Variants in NEGR1 observed in about 807,000 individuals in gnomAD.
NEGR1 encodes IgLON family member 4.
Under a neutral mutation model 40.9 loss-of-function variants are expected in NEGR1, and 10 were observed. The ratio of observed to expected loss-of-function variants is 0.24; its 90% confidence interval spans 0.15 to 0.42. NEGR1 has a LOEUF of 0.42. Among genes scored for constraint, NEGR1 ranks in the 10% least tolerant of loss-of-function variants. The pLI is 1.00. For synonymous variants in NEGR1, 185 were observed against 166.8 expected (o/e 1.11, Z -0.84); for missense variants, 352 against 438.9 (o/e 0.80, Z 1.77).
At chr1:71,559,044 T>TATACAC (rs1488767009) in intron 6 of NEGR1, among the ~76,000 whole-genome samples, 1 of 62,266 alleles carries the variant, frequency 1.6e-5, no homozygotes, top group African/African-American at 5.2e-5. Flanking sequence ...TATATATATA[T>TATACAC]ACACATATAT....
intron 1 of NEGR1, among the ~76,000 whole-genome samples, chr1:72,156,549 T>C (rs551867211): frequency 1.3e-5 from 2 of 152,320 alleles, no homozygotes; most frequent in Non-Finnish European, 2.9e-5. Flanking sequence ...GCAGATGCTA[T>C]GCATACAAAA....
chr1:72,075,756 G>T (rs1021029818), intron 1 of NEGR1, among the ~76,000 whole-genome samples: 1 of 152,156 alleles, frequency 6.6e-6, no homozygotes, highest in South Asian at 2.1e-4. Context: ...ATGTGCCTGG[G>T]TATGTTGAAT....
intron 4 of NEGR1, among the ~76,000 whole-genome samples, chr1:71,693,527 A>G (rs1422384600): frequency 6.6e-6 from 1 of 151,550 alleles, no homozygotes; most frequent in African/African-American, 2.4e-5. Context: ...ACATTCACAT[A>G]TATGTATATA....
chr1:71,468,208 T>C (rs1032543115), intron 6 of NEGR1: 1 of 152,010 alleles, frequency 6.6e-6, no homozygotes, highest in African/African-American at 2.4e-5. Context: ...GTCCTTTTGA[T>C]TTAGTTTGTT....
intron 2 of NEGR1, among the ~76,000 whole-genome samples, chr1:71,869,758 T>C (rs1660222601): frequency 6.6e-6 from 1 of 152,196 alleles, no homozygotes; most frequent in African/African-American, 2.4e-5. Flanking sequence ...TTTTGACTTC[T>C]TATTTTTCAC....
intron 1 of NEGR1, among the ~76,000 whole-genome samples, chr1:72,198,641 T>C (rs1653085521): frequency 6.6e-6 from 1 of 152,034 alleles, no homozygotes; most frequent in Non-Finnish European, 1.5e-5. Context: ...TCTTCTTTGA[T>C]CTTTTTAAAT....
At chr1:72,144,910 T>C (rs1324968065) in intron 1 of NEGR1, among the ~76,000 whole-genome samples, 1 of 152,114 alleles carries the variant, frequency 6.6e-6, no homozygotes, top group Non-Finnish European at 1.5e-5. Flanking sequence ...TCTTGGTCTT[T>C]CATCCAAATA....
chr1:72,031,167 G>A (rs1056487291), intron 1 of NEGR1, among the ~76,000 whole-genome samples: 32 of 152,310 alleles, frequency 2.1e-4, no homozygotes, highest in African/African-American at 7.5e-4. Context: ...CGCAGAAGAG[G>A]TGGCTTACAT....
intron 6 of NEGR1, among the ~76,000 whole-genome samples, chr1:71,440,077 T>C (rs1197940427): frequency 6.6e-6 from 1 of 152,210 alleles, no homozygotes; most frequent in African/African-American, 2.4e-5. Flanking sequence ...GTGTCACATA[T>C]GATCATCATT....
At chr1:71,443,361 C>T (rs1484692621) in intron 6 of NEGR1, among the ~76,000 whole-genome samples, 1 of 152,154 alleles carries the variant, frequency 6.6e-6, no homozygotes, top group Non-Finnish European at 1.5e-5. Flanking sequence ...TCCTGTATTA[C>T]TTATTTGGCA....
intron 4 of NEGR1, among the ~76,000 whole-genome samples, chr1:71,688,949 G>A (rs950602382): frequency 1.3e-5 from 2 of 152,024 alleles, no homozygotes; most frequent in Admixed American, 6.6e-5. Flanking sequence ...AATTTCCCCA[G>A]TATCCCATAG....
intron 2 of NEGR1, among the ~76,000 whole-genome samples, chr1:71,866,596 T>A (rs1660121284): frequency 6.6e-6 from 1 of 152,170 alleles, no homozygotes; most frequent in Admixed American, 6.6e-5. Flanking sequence ...TCAGCAAAAA[T>A]TTTTCCCAAT....
chr1:72,142,736 G>A (rs1650734837), intron 1 of NEGR1, among the ~76,000 whole-genome samples: 1 of 151,764 alleles, frequency 6.6e-6, no homozygotes, highest in African/African-American at 2.4e-5. Flanking sequence ...TACTGAGGCA[G>A]AATTTAGTTT....
At chr1:72,017,124 A>G in intron 1 of NEGR1, among the ~76,000 whole-genome samples, 1 of 131,578 alleles carries the variant, frequency 7.6e-6, no homozygotes, top group East Asian at 2.7e-4. Flanking sequence ...ATATACACAT[A>G]TATGTGTGTG....
intron 2 of NEGR1, among the ~76,000 whole-genome samples, chr1:71,820,185 G>A (rs905914198): frequency 6.6e-6 from 1 of 151,986 alleles, no homozygotes; most frequent in African/African-American, 2.4e-5. Context: ...ACCAGTGGGG[G>A]CAAAATAAAC....
intron 4 of NEGR1, among the ~76,000 whole-genome samples, chr1:71,648,861 A>G (rs555326550): frequency 6.6e-5 from 10 of 152,128 alleles, no homozygotes; most frequent in South Asian, 2.1e-4. Context: ...TGCTGTGTTC[A>G]ATTTTCACTA....
At chr1:72,122,578 A>G (rs192998253) in intron 1 of NEGR1, among the ~76,000 whole-genome samples, 1 of 152,028 alleles carries the variant, frequency 6.6e-6, no homozygotes, top group East Asian at 1.9e-4. Flanking sequence ...TATATTAATC[A>G]TATATTATTT....
intron 1 of NEGR1, among the ~76,000 whole-genome samples, chr1:72,168,107 G>C (rs1651832156): frequency 6.6e-6 from 1 of 151,668 alleles, no homozygotes; most frequent in South Asian, 2.1e-4. Flanking sequence ...CCAGGTTCAA[G>C]GGTTCAAGTG....
chr1:71,851,619 CA>C (rs1659604243), intron 2 of NEGR1, among the ~76,000 whole-genome samples: 3 of 151,874 alleles, frequency 2.0e-5, no homozygotes, highest in African/African-American at 7.3e-5. Flanking sequence ...CAAGGTTAGA[CA>C]AGAAAAATAT....
Sources: allele counts gnomAD v4.1 joint callset (sites outside exome capture counted in the v4.1 genomes callset), GRCh38; gene constraint gnomAD v4.1.1; transcripts MANE v1.5; gene names NCBI Gene and HGNC (gene_info 2026-07-23, HGNC 2026-07-21).